Variants in CTNNA2 observed in about 807,000 individuals in gnomAD.
The protein encoded by CTNNA2 is catenin alpha-2.
CTNNA2 carries 42 observed loss-of-function variants against 101.0 expected under a neutral mutation model. The ratio of observed to expected loss-of-function variants is 0.42; its 90% CI spans 0.32 to 0.54. The LOEUF (loss-of-function observed/expected upper bound fraction) is 0.54. Among genes scored for constraint, CTNNA2 ranks in the 20% least tolerant of loss-of-function variants. The pLI is 0.14. For missense variants in CTNNA2, 871 were observed against 1,223.1 expected (o/e 0.71, Z 4.29); for synonymous variants, 450 against 456.4 (o/e 0.99, Z 0.18).
chr2:80,442,494 G>A (rs868040365), intron 9 of CTNNA2, among the ~76,000 whole-genome samples: 12 of 152,164 alleles, frequency 7.9e-5, no homozygotes, highest in African/African-American at 7.2e-5. Flanking sequence ...CCCATCCTCA[G>A]TGGAACCTGG....
intron 7 of CTNNA2, among the ~76,000 whole-genome samples, chr2:80,267,206 C>A (rs568141661): frequency 3.3e-5 from 5 of 152,304 alleles, no homozygotes; most frequent in African/African-American, 9.6e-5. Flanking sequence ...TCCCCCACAT[C>A]TTCCCACTAG....
At chr2:80,583,032 AT>A (rs1695672976) in intron 14 of CTNNA2, among the ~76,000 whole-genome samples, 2 of 152,176 alleles carry the variant, frequency 1.3e-5, no homozygotes, top group South Asian at 4.1e-4. Flanking sequence ...GTTAAAGAAT[AT>A]TAAAGACAAA....
chr2:79,334,906 A>C (rs1158881274), intron 3 of CTNNA2, among the ~76,000 whole-genome samples: 3 of 151,770 alleles, frequency 2.0e-5, no homozygotes, highest in Non-Finnish European at 4.4e-5. Flanking sequence ...AACTAAAAAC[A>C]CTCTCTAGAC....
Position 80,184,928 on chromosome 2 carries a change from T to C in CTNNA2, c.1057-208283T>C, listed in dbSNP as rs532954793. On this transcript the variant is annotated intron_variant, in intron 7 of 18. Coordinates refer to ENST00000402739, the MANE Select transcript of CTNNA2 (RefSeq NM_001282597.3). ...GCTTAAACATCCTATCAGCACATCC[T>C]AAAGTCAGTTTCCCATAGCATAGTT... Among the ~76,000 whole-genome samples, 11 of 152,328 alleles carry C rather than the reference T, an allele frequency of 7.2e-5. No homozygotes were observed. In the South Asian group the frequency reaches 8.3e-4, roughly 11 times the overall value.
At chr2:80,434,884 G>C (rs1357510191) in intron 9 of CTNNA2, among the ~76,000 whole-genome samples, 1 of 152,090 alleles carries the variant, frequency 6.6e-6, no homozygotes, top group East Asian at 1.9e-4. Flanking sequence ...ATGCTAACTG[G>C]CCCGGCCTCA....
chr2:80,644,798 G>A (rs911849461), intron 18 of CTNNA2, among the ~76,000 whole-genome samples: 1 of 152,128 alleles, frequency 6.6e-6, no homozygotes, highest in African/African-American at 2.4e-5. Context: ...TGCCTTAGCA[G>A]GTGGCTTGAA....
chr2:80,354,589 C>A (rs531328662), intron 7 of CTNNA2, among the ~76,000 whole-genome samples: 4 of 152,148 alleles, frequency 2.6e-5, no homozygotes, highest in African/African-American at 9.6e-5. Context: ...TAAGGAGTTT[C>A]GGGGGAGTTT....
intron 3 of CTNNA2, among the ~76,000 whole-genome samples, chr2:79,346,692 C>T (rs1479804510): frequency 6.6e-6 from 1 of 152,116 alleles, no homozygotes; most frequent in Non-Finnish European, 1.5e-5. Flanking sequence ...ATAGTGGAAG[C>T]TATTTATTCT....
At chr2:79,304,828 G>T (rs1022472643) in intron 2 of CTNNA2, among the ~76,000 whole-genome samples, 1 of 152,050 alleles carries the variant, frequency 6.6e-6, no homozygotes, top group Non-Finnish European at 1.5e-5. Flanking sequence ...ATGGCACTTG[G>T]GCTCATAAAA....
intron 2 of CTNNA2, among the ~76,000 whole-genome samples, chr2:79,287,603 A>C (rs1161577891): frequency 3.3e-5 from 5 of 150,830 alleles, no homozygotes; most frequent in Non-Finnish European, 7.4e-5. Flanking sequence ...CAGTCTGCCC[A>C]TTCTCAGATC....
intron 2 of CTNNA2, among the ~76,000 whole-genome samples, chr2:79,728,735 C>G (rs1687017659): frequency 6.6e-6 from 1 of 152,180 alleles, no homozygotes; most frequent in Non-Finnish European, 1.5e-5. Context: ...TTTAATCCAT[C>G]TTGAATTAAT....
intron 9 of CTNNA2, among the ~76,000 whole-genome samples, chr2:80,447,484 G>A (rs185814964): frequency 5.3e-5 from 8 of 152,284 alleles, no homozygotes; most frequent in Admixed American, 3.9e-4. Context: ...CTGTGTGTGA[G>A]CAGCCACTCC....
intron 9 of CTNNA2, among the ~76,000 whole-genome samples, chr2:80,544,199 C>A (rs1691834317): frequency 6.6e-6 from 1 of 151,730 alleles, no homozygotes; most frequent in African/African-American, 2.4e-5. Context: ...TGGTTCCTGG[C>A]CCCATCCATC....
intron 1 of CTNNA2, among the ~76,000 whole-genome samples, chr2:79,193,546 A>G (rs1443753101): frequency 6.6e-6 from 1 of 152,180 alleles, no homozygotes; most frequent in Non-Finnish European, 1.5e-5. Context: ...TCAAATAGTA[A>G]TGAAATTACC....
chr2:79,951,825 C>T (rs895224009), intron 7 of CTNNA2, among the ~76,000 whole-genome samples: 17 of 152,210 alleles, frequency 1.1e-4, no homozygotes, highest in African/African-American at 4.1e-4. Flanking sequence ...TCCCCAGGAA[C>T]CTCTGATGAT....
intron 3 of CTNNA2, among the ~76,000 whole-genome samples, chr2:79,810,890 G>A (rs1156239159): frequency 6.6e-6 from 1 of 151,756 alleles, no homozygotes; most frequent in Non-Finnish European, 1.5e-5. Flanking sequence ...GTATTCCATG[G>A]TGTATATATG....
At chr2:79,646,034 C>A (rs1034034033) in intron 1 of CTNNA2, among the ~76,000 whole-genome samples, 1 of 152,110 alleles carries the variant, frequency 6.6e-6, no homozygotes, top group African/African-American at 2.4e-5. Flanking sequence ...GCTGGAGTTC[C>A]ATGGAGAGAA....
At chr2:79,636,108 A>C (rs1680027029) in intron 1 of CTNNA2, among the ~76,000 whole-genome samples, 1 of 81,402 alleles carries the variant, frequency 1.2e-5, no homozygotes, top group African/African-American at 1.1e-4. Flanking sequence ...AAAAATACAA[A>C]AAAAAAAAAA....
intron 3 of CTNNA2, among the ~76,000 whole-genome samples, chr2:79,364,312 C>T (rs1677697254): frequency 6.6e-6 from 1 of 152,056 alleles, no homozygotes. Flanking sequence ...TGATTTCTTC[C>T]CCAGTGTATA....
Sources: gnomAD v4.1 joint callset for allele counts (sites outside exome capture counted in the v4.1 genomes callset) on GRCh38, gnomAD v4.1.1 for gene constraint, MANE v1.5 for transcripts, NCBI Gene and HGNC (gene_info 2026-07-23, HGNC 2026-07-21) for gene names.